Variants in SH3PXD2A observed in about 807,000 individuals in gnomAD.
The protein encoded by SH3PXD2A is SH3 and PX domain-containing protein 2A.
A neutral mutation model predicts 115.2 loss-of-function variants in SH3PXD2A; 32 were observed. That is an observed-to-expected ratio of 0.28 (90% CI 0.21 to 0.37). The LOEUF is 0.37. Ranked by LOEUF, SH3PXD2A falls within the 10% of genes least tolerant of loss-of-function variation. SH3PXD2A has a pLI of 1.00. For synonymous variants in SH3PXD2A, 610 were observed against 629.1 expected, an observed-to-expected ratio of 0.97 and a Z score of 0.45; for missense variants, 1,328 against 1,498.7, an observed-to-expected ratio of 0.89 and a Z score of 1.88.
Position 103,601,546 on chromosome 10 carries a change from T to G in SH3PXD2A, c.*270A>C. ...GGTGAAGTCCCTATGGTGCACAGGATATCTCAGCTTTCTTGGCTCTGGGTC... is the reference window on the plus strand; with the variant it reads ...GGTGAAGTCCCTATGGTGCACAGGAGATCTCAGCTTTCTTGGCTCTGGGTC... On this transcript the variant is annotated 3_prime_UTR_variant, in exon 15 of 15. Coordinates refer to ENST00000369774, the MANE Select transcript of SH3PXD2A (RefSeq NM_001394015.1). 1.2e-4 allele frequency: 44 copies of G among 355,538 alleles called. No homozygotes were observed. The highest frequency in any genetic ancestry group is 1.8e-4 in the East Asian group (3 of 17,034). 22.0% of individuals were successfully genotyped at this position (355,538 alleles called of 1,614,324 possible). A position where few individuals can be genotyped will look rare whatever the true frequency, so the allele number is the denominator to read the frequency against.
chr10:103,764,757 C>A (rs1211123115), intron 3 of SH3PXD2A, among the ~76,000 whole-genome samples: 1 of 152,148 alleles, frequency 6.6e-6, no homozygotes, highest in African/African-American at 2.4e-5. Context: ...ACCTGGGCAG[C>A]TGATGTGGAA....
rs767245811 is a variant in SH3PXD2A at position 103,855,180 on chromosome 10, G to A, written c.72+15C>T. ...TCGGGCCACCCCCAGCAGGGTCGGC[G>A]GGGGCTGTACTCACGTAGTGCTTGG... is the stretch of plus-strand genomic sequence containing the variant. On this transcript the variant is annotated intron_variant, in intron 1 of 14. Transcript: ENST00000369774. 2.6e-6 allele frequency: 4 copies of A among 1,520,258 alleles called. No homozygotes were observed. Among genetic ancestry groups the A allele is most frequent in the South Asian group, 1.2e-5 (1 of 80,774 alleles). The allele number at this position is 1,520,258 out of a possible 1,614,324, so 94.2% of individuals were successfully genotyped here. A position where few individuals can be genotyped will look rare whatever the true frequency, so the allele number is the denominator to read the frequency against.
chr10:103,786,808 T>C (rs1008921158), intron 2 of SH3PXD2A, among the ~76,000 whole-genome samples: 2 of 152,104 alleles, frequency 1.3e-5, no homozygotes, highest in Admixed American at 1.3e-4. Context: ...CCAACACTGG[T>C]TCCTACGGAG....
intron 8 of SH3PXD2A, among the ~76,000 whole-genome samples, chr10:103,650,681 C>T (rs755816196): frequency 3.3e-5 from 5 of 152,214 alleles, no homozygotes; most frequent in Non-Finnish European, 5.9e-5. Context: ...CAGTCCAGGC[C>T]CTGTCCCTGT....
At chr10:103,777,381 G>T (rs181954108) in intron 2 of SH3PXD2A, among the ~76,000 whole-genome samples, 1 of 152,270 alleles carries the variant, frequency 6.6e-6, no homozygotes, top group African/African-American at 2.4e-5. Context: ...CTTGGCCTGG[G>T]CCAGCTTGGC....
chr10:103,622,642 G>GTGGGTGT, intron 9 of SH3PXD2A, 89 bp from the exon 10 acceptor site: 1 of 545,780 alleles, frequency 1.8e-6, no homozygotes, highest in Non-Finnish European at 3.4e-6. Flanking sequence ...GGGGTGGGAG[G>GTGGGTGT]AAGGGGCACA....
At chr10:103,672,973 A>G (rs964416776) in intron 6 of SH3PXD2A, among the ~76,000 whole-genome samples, 1 of 152,234 alleles carries the variant, frequency 6.6e-6, no homozygotes, top group African/African-American at 2.4e-5. Flanking sequence ...TTCCGGCCAA[A>G]TACAGGGACC....
chr10:103,703,367 C>A (rs1197484851), intron 5 of SH3PXD2A, among the ~76,000 whole-genome samples: 1 of 152,244 alleles, frequency 6.6e-6, no homozygotes, highest in East Asian at 1.9e-4. Flanking sequence ...ACAGATGCAC[C>A]TCAGTCAGCT....
chr10:103,792,771 G>T (rs1014107235), intron 2 of SH3PXD2A, among the ~76,000 whole-genome samples: 1 of 152,124 alleles, frequency 6.6e-6, no homozygotes, highest in Admixed American at 6.5e-5. Context: ...CCACCCAACT[G>T]CTTCCTGCCT....
intron 8 of SH3PXD2A, among the ~76,000 whole-genome samples, chr10:103,633,406 ACT>A (rs1288767737): frequency 2.0e-5 from 3 of 151,650 alleles, no homozygotes; most frequent in Non-Finnish European, 4.4e-5. Context: ...ACAGAGTGAG[ACT>A]CTGTCTGAAA....
chr10:103,766,065 T>C (rs2038751351), intron 3 of SH3PXD2A, among the ~76,000 whole-genome samples: 1 of 152,270 alleles, frequency 6.6e-6, no homozygotes, highest in South Asian at 2.1e-4. Context: ...TTTCGCTGCT[T>C]TTGAGGATGG....
intron 4 of SH3PXD2A, among the ~76,000 whole-genome samples, chr10:103,731,719 C>T (rs927354922): frequency 3.9e-5 from 6 of 152,166 alleles, no homozygotes; most frequent in African/African-American, 1.4e-4. Context: ...TTACTCTCCT[C>T]AAGGGGAGAG....
chr10:103,803,247 T>C (rs1050423566), intron 1 of SH3PXD2A, among the ~76,000 whole-genome samples: 1 of 152,200 alleles, frequency 6.6e-6, no homozygotes, highest in African/African-American at 2.4e-5. Flanking sequence ...TTATGACATG[T>C]GGCCCTGATA....
intron 5 of SH3PXD2A, 52 bp from the exon 6 acceptor site, chr10:103,693,108 G>C (rs1319898488): frequency 1.3e-6 from 2 of 1,566,578 alleles, no homozygotes; most frequent in South Asian, 1.1e-5. Context: ...GCGCGAGCGC[G>C]GGGCTGCAGC....
intron 6 of SH3PXD2A, among the ~76,000 whole-genome samples, chr10:103,687,756 C>T (rs1194420316): frequency 6.6e-6 from 1 of 152,222 alleles, no homozygotes; most frequent in Non-Finnish European, 1.5e-5. Flanking sequence ...GAATGTCCTG[C>T]AAGGCCCTAC....
At chr10:103,676,053 A>T (rs527562913) in intron 6 of SH3PXD2A, among the ~76,000 whole-genome samples, 143 of 152,208 alleles carry the variant, frequency 9.4e-4, no homozygotes, top group Admixed American at 1.6e-3. Context: ...GGAAAAAAAA[A>T]AGAAAAGTTA....
intron 14 of SH3PXD2A, 48 bp from the exon 15 acceptor site, chr10:103,603,837 C>T (rs1454064218): frequency 3.3e-6 from 5 of 1,519,870 alleles, no homozygotes; most frequent in African/African-American, 2.8e-5. Flanking sequence ...GATCTGGAAC[C>T]CTATGACATC....
At chr10:103,606,480 CTTCCCT>C (rs1354410689) in intron 13 of SH3PXD2A, among the ~76,000 whole-genome samples, 3 of 142,462 alleles carry the variant, frequency 2.1e-5, no homozygotes, top group Admixed American at 7.2e-5. Context: ...TCCCCCTCCC[CTTCCCT>C]CTCCCTCTCC....
chr10:103,713,009 T>A (rs1427158697), intron 5 of SH3PXD2A, among the ~76,000 whole-genome samples: 2 of 152,218 alleles, frequency 1.3e-5, no homozygotes, highest in African/African-American at 4.8e-5. Flanking sequence ...TCAAACAAGA[T>A]AAACCATGCT....
Sources: allele counts gnomAD v4.1 joint callset (sites outside exome capture counted in the v4.1 genomes callset), GRCh38; gene constraint gnomAD v4.1.1; transcripts MANE v1.5; gene names NCBI Gene and HGNC (gene_info 2026-07-23, HGNC 2026-07-21).